The following PIP4K2A variants were observed in gnomAD, a reference collection of about 807,000 sequenced individuals.
PIP4K2A encodes phosphatidylinositol 5-phosphate 4-kinase type-2 alpha.
In PIP4K2A, 14 loss-of-function variants were observed where a neutral mutation model predicts 42.9. The observed-to-expected ratio is 0.33, with a 90% confidence interval of 0.22 to 0.51. The LOEUF (loss-of-function observed/expected upper bound fraction) is 0.51. Among genes scored for constraint, PIP4K2A ranks in the 20% least tolerant of loss-of-function variants. The pLI is 0.97. For synonymous variants in PIP4K2A, 192 were observed against 192.2 expected, an observed-to-expected ratio of 1.00 and a Z score of 0.01; for missense variants, 434 against 519.8, an observed-to-expected ratio of 0.83 and a Z score of 1.61.
chr10:22,667,865 CTGTGTGTGTG>C (rs10603287), intron 1 of PIP4K2A, among the ~76,000 whole-genome samples: 1,801 of 132,602 alleles, frequency 0.014, 41 homozygotes, highest in African/African-American at 0.044. Context: ...CAGTGAACTT[CTGTGTGTGTG>C]TGTGTGTGTG....
rs1214662003 is a variant in PIP4K2A, at chr10:22,573,300, A to G, written c.639+11T>C. On this transcript the variant is annotated intron_variant, in intron 5 of 9. Transcript: ENST00000376573. ...GAGTTACTTTACAAAAATTCATAAA[A>G]TCAGTCTCACCTTTAAGTCGTATTT... is the stretch of plus-strand genomic sequence containing the variant. The G allele has an allele frequency of 1.2e-6, 2 of 1,610,024 alleles. No homozygotes were observed. The highest frequency in any genetic ancestry group is 1.3e-5 in the African/African-American group (1 of 74,820).
At chr10:22,637,901 C>G (rs1438562336) in intron 1 of PIP4K2A, among the ~76,000 whole-genome samples, 2 of 152,190 alleles carry the variant, frequency 1.3e-5, no homozygotes, top group African/African-American at 4.8e-5. Flanking sequence ...TTTTCAGAGT[C>G]ACAGAATGAT....
intron 1 of PIP4K2A, among the ~76,000 whole-genome samples, chr10:22,640,045 GGAAAAA>G (rs1838748543): frequency 8.8e-6 from 1 of 114,232 alleles, no homozygotes; most frequent in Non-Finnish European, 1.8e-5. Flanking sequence ...TTTTTTTTAA[GGAAAAA>G]GAAAAAGAAA....
At chr10:22,619,914 G>A (rs147099633) in intron 1 of PIP4K2A, among the ~76,000 whole-genome samples, 87 of 152,230 alleles carry the variant, frequency 5.7e-4, no homozygotes, top group Non-Finnish European at 1.2e-3. Flanking sequence ...TGATATCAAA[G>A]GTGAGTAGGA....
At chr10:22,666,505 A>G (rs1839355803) in intron 1 of PIP4K2A, among the ~76,000 whole-genome samples, 1 of 152,200 alleles carries the variant, frequency 6.6e-6, no homozygotes, top group African/African-American at 2.4e-5. Context: ...ATCCCAAAAG[A>G]TATTATCAAA....
At chr10:22,667,470 A>T (rs1378076188) in intron 1 of PIP4K2A, among the ~76,000 whole-genome samples, 1 of 152,218 alleles carries the variant, frequency 6.6e-6, no homozygotes, top group Non-Finnish European at 1.5e-5. Flanking sequence ...CCAAAAGATT[A>T]AAGTGGGAAA....
intron 3 of PIP4K2A, among the ~76,000 whole-genome samples, chr10:22,592,592 A>G (rs1250739718): frequency 6.6e-6 from 1 of 152,180 alleles, no homozygotes; most frequent in Non-Finnish European, 1.5e-5. Context: ...CTCTGCTGAC[A>G]TCATTCACTC....
At chr10:22,568,340 A>ACG (rs2130788344) in intron 5 of PIP4K2A, among the ~76,000 whole-genome samples, 1 of 152,192 alleles carries the variant, frequency 6.6e-6, no homozygotes, top group Non-Finnish European at 1.5e-5. Context: ...TCCCCACATT[A>ACG]CGTCCTTCTG....
At chr10:22,627,922 A>C (rs1329127739) in intron 1 of PIP4K2A, among the ~76,000 whole-genome samples, 1 of 152,222 alleles carries the variant, frequency 6.6e-6, no homozygotes, top group Non-Finnish European at 1.5e-5. Context: ...TATTCCCTAC[A>C]ATATTACAGC....
chr10:22,544,474 G>A (rs1281308734), intron 7 of PIP4K2A, among the ~76,000 whole-genome samples: 3 of 152,060 alleles, frequency 2.0e-5, no homozygotes, highest in Admixed American at 6.6e-5. Flanking sequence ...CTAGATCTAC[G>A]GCTTCCCTGG....
chr10:22,544,079 C>T (rs771770033), intron 7 of PIP4K2A, among the ~76,000 whole-genome samples: 22 of 152,138 alleles, frequency 1.4e-4, no homozygotes, highest in Non-Finnish European at 2.1e-4. Flanking sequence ...TCCTTTTCTT[C>T]GCAACCCTAG....
At chr10:22,632,710 C>T (rs149792715) in intron 1 of PIP4K2A, among the ~76,000 whole-genome samples, 1 of 152,264 alleles carries the variant, frequency 6.6e-6, no homozygotes, top group Non-Finnish European at 1.5e-5. Context: ...ACTCCATGAC[C>T]TGCTGAACCA....
At chr10:22,681,695 A>T (rs1839665018) in intron 1 of PIP4K2A, among the ~76,000 whole-genome samples, 1 of 152,030 alleles carries the variant, frequency 6.6e-6, no homozygotes, top group Admixed American at 6.5e-5. Context: ...TAAAATAAAT[A>T]AAATTAAATT....
chr10:22,628,738 G>T (rs1838495312), intron 1 of PIP4K2A, among the ~76,000 whole-genome samples: 1 of 152,202 alleles, frequency 6.6e-6, no homozygotes, highest in South Asian at 2.1e-4. Flanking sequence ...TTATTCTATA[G>T]AAAGCAATGT....
intron 8 of PIP4K2A, among the ~76,000 whole-genome samples, chr10:22,540,848 C>T (rs1360905686): frequency 1.3e-5 from 2 of 152,202 alleles, no homozygotes; most frequent in African/African-American, 4.8e-5. Flanking sequence ...AACCACTGCG[C>T]CCGGCCCGTG....
intron 1 of PIP4K2A, among the ~76,000 whole-genome samples, chr10:22,655,801 C>A (rs1376431373): frequency 1.3e-5 from 2 of 152,206 alleles, no homozygotes; most frequent in Non-Finnish European, 2.9e-5. Flanking sequence ...GAAGCATACC[C>A]TGGCTTTTTA....
chr10:22,630,291 T>C (rs911692069), intron 1 of PIP4K2A, among the ~76,000 whole-genome samples: 2 of 152,110 alleles, frequency 1.3e-5, no homozygotes, highest in African/African-American at 4.8e-5. Flanking sequence ...AATGATACAA[T>C]GCCATTTCCT....
At position 22,541,938 on chromosome 10, in the gene PIP4K2A, T is replaced by G; in HGVS notation, c.902A>C (p.Glu301Ala). The stretch of plus-strand genomic sequence containing the variant: ...CGGGTGGGTGCCATCGCTCTCGCCC[T>G]CCTCCTCCCCATCGTTCTCCTCACA... ...VECEENDGEE[E>A]GESDGTHPVG... The change falls in exon 8 of 10, where the codon GAG becomes GCG. Residue 301 changes from glutamate (E) to alanine (A), a missense_variant. Around this residue, in one of 2 missense-constraint regions of PIP4K2A, gnomAD observed 395 missense variants for 444.5 expected, o/e 0.89. Coordinates refer to ENST00000376573, the MANE Select transcript of PIP4K2A (RefSeq NM_005028.5). 6.2e-7 allele frequency: 1 copy of G among 1,613,914 alleles called. No individual in the cohort carries two copies. Among genetic ancestry groups the G allele is most frequent in the Non-Finnish European group, 8.5e-7 (1 of 1,179,844 alleles).
intron 6 of PIP4K2A, among the ~76,000 whole-genome samples, chr10:22,560,037 G>C (rs1168654688): frequency 6.6e-6 from 1 of 152,182 alleles, no homozygotes; most frequent in Non-Finnish European, 1.5e-5. Context: ...TTTAAGGTCT[G>C]AGAAAGAAGC....
Sources: gnomAD v4.1 joint callset for allele counts (sites outside exome capture counted in the v4.1 genomes callset) on GRCh38, gnomAD v4.1.1 for gene constraint, gnomAD v4.1.1 regional missense constraint, MANE v1.5 for transcripts, NCBI Gene and HGNC (gene_info 2026-07-23, HGNC 2026-07-21) for gene names.